PCA3: variants seen among roughly 807,000 people sequenced by gnomAD.
PCA3 encodes prostate cancer associated 3.
chr9:76,780,970 G>A (rs533515091), intron 2 of PCA3, among the ~76,000 whole-genome samples: 13 of 152,110 alleles, frequency 8.5e-5, no homozygotes, highest in Admixed American at 1.3e-4. Flanking sequence ...TTTATGCTAC[G>A]TACCTGAGAA....
intron 2 of PCA3, among the ~76,000 whole-genome samples, chr9:76,768,326 G>C (rs1035176251): frequency 2.0e-5 from 3 of 152,108 alleles, no homozygotes; most frequent in Non-Finnish European, 2.9e-5. Flanking sequence ...CCAAGTAGCT[G>C]GGATTACAGG....
At chr9:76,776,860 T>C (rs114225619) in intron 2 of PCA3, among the ~76,000 whole-genome samples, 2,552 of 149,478 alleles carry the variant, frequency 0.017, 79 homozygotes, top group African/African-American at 0.058. Flanking sequence ...CATGAAGCTT[T>C]CTCTTGAGTT....
intron 2 of PCA3, among the ~76,000 whole-genome samples, chr9:76,777,163 G>T (rs1020430062): frequency 6.6e-6 from 1 of 152,160 alleles, no homozygotes; most frequent in African/African-American, 2.4e-5. Flanking sequence ...GAGAAGGGAA[G>T]AAATGCAATG....
chr9:76,770,278 T>C (rs947187756), intron 2 of PCA3, among the ~76,000 whole-genome samples: 6 of 152,344 alleles, frequency 3.9e-5, no homozygotes, highest in Non-Finnish European at 7.4e-5. Context: ...ACAGGCATTT[T>C]ACCTAAGTTT....
At chr9:76,767,356 C>G (rs1014904522) in intron 2 of PCA3, among the ~76,000 whole-genome samples, 4 of 151,814 alleles carry the variant, frequency 2.6e-5, no homozygotes, top group African/African-American at 9.7e-5. Flanking sequence ...GAGGCCGAGG[C>G]AGGAGAATAG....
At chr9:76,766,889 A>G (rs543815250) in intron 2 of PCA3, among the ~76,000 whole-genome samples, 10 of 152,312 alleles carry the variant, frequency 6.6e-5, no homozygotes, top group African/African-American at 2.4e-4. Flanking sequence ...ATACACAGGC[A>G]TACACATACA....
At chr9:76,765,809 C>A (rs2052302865) in intron 2 of PCA3, among the ~76,000 whole-genome samples, 3 of 152,184 alleles carry the variant, frequency 2.0e-5, no homozygotes. Context: ...CTTTCCTTAT[C>A]TATGAAATGG....
rs756648285 is a variant in PCA3, at chr9:76,774,457, T to TATTTATTTATTTATTTA, written n.853-34126_853-34125insATTTATTTATTTATTTA. Among the ~76,000 whole-genome samples, 415 of 73,522 alleles carry TATTTATTTATTTATTTA rather than the reference T, an allele frequency of 5.6e-3. 9 individuals carry two copies. Among genetic ancestry groups the TATTTATTTATTTATTTA allele is most frequent in the Admixed American group, 0.02 (157 of 7,986 alleles). The allele number at this position is 73,522 out of a possible 152,430, so 48.2% of individuals were successfully genotyped here. On this transcript the variant is annotated intron_variant and non_coding_transcript_variant, in intron 2 of 5. Transcript: ENST00000644657. ...CTGGCCTCCAGTTCAACCCTTTTTT[T>TATTTATTTATTTATTTA]TTTTTTTTTTTTTTTTTTTTGAGAT...
At chr9:76,772,148 T>C (rs2053183323) in intron 2 of PCA3, among the ~76,000 whole-genome samples, 1 of 152,092 alleles carries the variant, frequency 6.6e-6, no homozygotes. Context: ...GGAAAAGGGC[T>C]TTTTGTGTGT....
At chr9:76,767,156 A>C (rs1318446961) in intron 2 of PCA3, among the ~76,000 whole-genome samples, 1 of 152,206 alleles carries the variant, frequency 6.6e-6, no homozygotes, top group African/African-American at 2.4e-5. Context: ...GGACCTATTC[A>C]AAACAGAATC....
At chr9:76,784,016 C>T (rs1318443296) in intron 2 of PCA3, 1 of 152,172 alleles carries the variant, frequency 6.6e-6, no homozygotes, top group Non-Finnish European at 1.5e-5. Flanking sequence ...TTTCTTGCCT[C>T]GTATTGTCTG....
chr9:76,769,757 G>A (rs532212769), intron 2 of PCA3, among the ~76,000 whole-genome samples: 2 of 152,158 alleles, frequency 1.3e-5, no homozygotes, highest in Non-Finnish European at 2.9e-5. Context: ...ATTTCTGTAG[G>A]AGAGCTTATC....
chr9:76,767,560 T>G (rs1311969604), intron 2 of PCA3, among the ~76,000 whole-genome samples: 2 of 152,194 alleles, frequency 1.3e-5, no homozygotes, highest in African/African-American at 4.8e-5. Context: ...GAAAAAGAAC[T>G]ATTTTCCAGA....
intron 2 of PCA3, among the ~76,000 whole-genome samples, chr9:76,771,303 C>A (rs547939441): frequency 2.6e-5 from 4 of 152,272 alleles, no homozygotes; most frequent in Non-Finnish European, 5.9e-5. Context: ...TTAGGCATTT[C>A]TTTAATGCTG....
intron 2 of PCA3, among the ~76,000 whole-genome samples, chr9:76,766,905 C>T (rs1344764517): frequency 1.3e-5 from 2 of 152,148 alleles, no homozygotes; most frequent in African/African-American, 2.4e-5. Context: ...ATACACAACG[C>T]ATACACATGA....
In PCA3 at chr9:76,769,644, C is replaced by T. The variant is rs145955562; in HGVS notation, n.852+33029C>T. 2.9e-3 allele frequency among the ~76,000 whole-genome samples: 445 copies of T among 152,260 alleles called. 3 individuals are homozygous for T. Among genetic ancestry groups the T allele is most frequent in the African/African-American group, 0.01 (433 of 41,558 alleles). On this transcript the variant is annotated intron_variant and non_coding_transcript_variant, in intron 2 of 5. Transcript: ENST00000644657. ...TTCTCCATGTTGGTCAGGCTGGACT[C>T]GAACTCCCGACATCAGGTGATCCGC...
At chr9:76,766,043 C>T (rs1357531975) in intron 2 of PCA3, among the ~76,000 whole-genome samples, 1 of 151,846 alleles carries the variant, frequency 6.6e-6, no homozygotes, top group African/African-American at 2.4e-5. Flanking sequence ...AATAGCCGCG[C>T]GTGGTGGCAG....
chr9:76,767,905 T>C (rs150421221), intron 2 of PCA3, among the ~76,000 whole-genome samples: 117 of 152,334 alleles, frequency 7.7e-4, no homozygotes, highest in African/African-American at 2.4e-3. Flanking sequence ...CTAACCCTCT[T>C]GGTTCCTCAC....
intron 2 of PCA3, among the ~76,000 whole-genome samples, chr9:76,768,583 A>ATATG (rs1554757121): frequency 1.9e-5 from 2 of 103,244 alleles, no homozygotes; most frequent in Admixed American, 8.8e-5. Context: ...ATGTATATGT[A>ATATG]TGTGTGTGTG....
Sources: allele counts gnomAD v4.1 joint callset (sites outside exome capture counted in the v4.1 genomes callset), GRCh38; gene constraint gnomAD v4.1.1; transcripts MANE v1.5; gene names NCBI Gene and HGNC (gene_info 2026-07-23, HGNC 2026-07-21).